The following ZNF396 variants were observed in gnomAD, a reference collection of about 807,000 sequenced individuals.
ZNF396 encodes zinc finger and SCAN domain-containing protein 14.
In ZNF396, 14 loss-of-function variants were observed where a neutral mutation model predicts 20.5. The observed-to-expected ratio is 0.68, with a 90% confidence interval of 0.45 to 1.07. The LOEUF is 1.07. Among genes scored for constraint, ZNF396 ranks in the 50% least tolerant of loss-of-function variants. The pLI is 0.00. For missense variants in ZNF396, 347 were observed against 390.1 expected, an observed-to-expected ratio of 0.89 and a Z score of 0.93; for synonymous variants, 119 against 140.6, an observed-to-expected ratio of 0.85 and a Z score of 1.08.
At position 35,369,012 on chromosome 18, in the gene ZNF396, C is replaced by T; in HGVS notation, c.*203G>A. On this transcript the variant is annotated 3_prime_UTR_variant, in exon 4 of 4. Coordinates refer to ENST00000589332, the MANE Select transcript of ZNF396 (RefSeq NM_001322286.2). ...AATTAAGCTTTGGAATTGCAAACGTCAGAATTGAGACTGCATTGATAAGCA... is the reference window on the plus strand; with the variant it reads ...AATTAAGCTTTGGAATTGCAAACGTTAGAATTGAGACTGCATTGATAAGCA... 5.2e-6 allele frequency: 7 copies of T among 1,337,418 alleles called. No individual in the cohort carries two copies. The highest frequency in any genetic ancestry group is 6.7e-6 in the Non-Finnish European group (7 of 1,049,980). 82.8% of individuals were successfully genotyped at this position (1,337,418 alleles called of 1,614,324 possible). A position where few individuals can be genotyped will look rare whatever the true frequency, so the allele number is the denominator to read the frequency against.
chr18:35,366,705 A>G lies in ZNF396; in HGVS notation c.*2510T>C, dbSNP rs2045103313. 1 of 152,204 alleles carries G rather than the reference A, an allele frequency of 6.6e-6. No individual in the cohort carries two copies. Among genetic ancestry groups the G allele is most frequent in the South Asian group, 2.1e-4 (1 of 4,828 alleles). The allele number at this position is 152,204 out of a possible 1,614,324, so 9.4% of individuals were successfully genotyped here. A position where few individuals can be genotyped will look rare whatever the true frequency, so the allele number is the denominator to read the frequency against. On this transcript the variant is annotated 3_prime_UTR_variant, in exon 4 of 4. Transcript: ENST00000589332. ...GAAAACAATACCAATTTCATTTTGG[A>G]GTATTTACTATCCCTGAAAATTAAT...
Position 35,373,510 on chromosome 18 carries a change from C to G in ZNF396, c.508G>C (p.Val170Leu), listed in dbSNP as rs756260955. 1 of 1,613,976 alleles carries G rather than the reference C, an allele frequency of 6.2e-7. No homozygotes were observed. Among genetic ancestry groups the G allele is most frequent in the African/African-American group, 1.3e-5 (1 of 74,898 alleles). Residue 170 changes from valine (V) to leucine (L), a missense_variant, in exon 3 of 4, where the codon GTG becomes CTG. By Grantham distance (32) the Val-to-Leu change is conservative (BLOSUM62 1). Transcript: ENST00000589332. ...EELPSSQLMPVKKQLQGASWE... is the reference protein window; with the variant it reads ...EELPSSQLMPLKKQLQGASWE... ...GATGCTCCCTGGAGCTGCTTCTTCACGGGCATGAGCTGGCTACTTGGCAAT... is the reference window on the plus strand; with the variant it reads ...GATGCTCCCTGGAGCTGCTTCTTCAGGGGCATGAGCTGGCTACTTGGCAAT...
chr18:35,368,898 T>C lies in ZNF396; in HGVS notation c.*317A>G. ...AAAAACATACTTGTCTAAAAAGATA[T>C]ATACTAATTCATTATATGTGTTAAT... On this transcript the variant is annotated 3_prime_UTR_variant, in exon 4 of 4. Coordinates refer to ENST00000589332, the MANE Select transcript of ZNF396 (RefSeq NM_001322286.2). 1 of 1,081,494 alleles carries C rather than the reference T, an allele frequency of 9.2e-7. No homozygotes were observed. The highest frequency in any genetic ancestry group is 1.1e-6 in the Non-Finnish European group (1 of 893,144). The allele number at this position is 1,081,494 out of a possible 1,614,324, so 67.0% of individuals were successfully genotyped here.
rs1041024578 is a variant in ZNF396 at position 35,369,079 on chromosome 18, C to T, written c.*136G>A. On this transcript the variant is annotated 3_prime_UTR_variant, in exon 4 of 4. Coordinates refer to ENST00000589332, the MANE Select transcript of ZNF396 (RefSeq NM_001322286.2). The stretch of plus-strand genomic sequence containing the variant: ...TGACCTGAGATCTTCAACCTTCTCT[C>T]CTGTGGCTTTCATGAGTCTTGAAAG... The T allele has an allele frequency of 7.0e-7, 1 of 1,421,030 alleles. No individual in the cohort carries two copies. Among genetic ancestry groups the T allele is most frequent in the Non-Finnish European group, 9.2e-7 (1 of 1,091,286 alleles). 88.0% of individuals were successfully genotyped at this position (1,421,030 alleles called of 1,614,324 possible).
chr18:35,370,471 T>C (rs1426711224), intron 3 of ZNF396, among the ~76,000 whole-genome samples: 2 of 148,784 alleles, frequency 1.3e-5, no homozygotes, highest in Non-Finnish European at 3.0e-5. Context: ...TTGCATTACC[T>C]GAAGAAATCA....
At chr18:35,373,711 GA>G (rs2045217153) in intron 2 of ZNF396, 111 bp from the exon 3 acceptor site, 5 of 1,508,902 alleles carry the variant, frequency 3.3e-6, no homozygotes, top group Admixed American at 4.2e-5. Context: ...AAAAGGGAGG[GA>G]AAAAGTAGAG....
intron 1 of ZNF396, among the ~76,000 whole-genome samples, chr18:35,375,825 C>T (rs992914793): frequency 1.3e-5 from 2 of 152,112 alleles, no homozygotes; most frequent in African/African-American, 4.8e-5. Context: ...TCACTGCAAC[C>T]TCTGCCTTCT....
At chr18:35,375,944 T>C (rs979870697) in intron 1 of ZNF396, among the ~76,000 whole-genome samples, 2 of 152,098 alleles carry the variant, frequency 1.3e-5, no homozygotes, top group Admixed American at 1.3e-4. Context: ...GGTTTCACCA[T>C]GTTGGCCAGG....
rs2045230624 is a variant in ZNF396 at position 35,374,404 on chromosome 18, A to C, written c.-72-40T>G. On this transcript the variant is annotated intron_variant, in intron 1 of 3. Transcript: ENST00000589332. This position sits in a 1 kb window ranked among gnomAD's most constrained non-coding sequence, Gnocchi z 4.3. ...AAGAAACAAGTGGAAAGAAGACAAA[A>C]GACAAATGCTTCTTAGAACAAAACA... The C allele has an allele frequency of 9.4e-7, 1 of 1,064,312 alleles. No individual in the cohort carries two copies. The highest frequency in any genetic ancestry group is 1.3e-6 in the Non-Finnish European group (1 of 745,862). The allele number at this position is 1,064,312 out of a possible 1,614,324, so 65.9% of individuals were successfully genotyped here.
chr18:35,371,042 T>A (rs2909344), intron 3 of ZNF396, among the ~76,000 whole-genome samples: 131,300 of 152,188 alleles, frequency 0.86, 57,509 homozygotes, highest in Non-Finnish European at 0.91. Context: ...AATGAAAAGG[T>A]TAGGGTGAGA....
rs1598699509 is a variant in ZNF396 at position 35,369,078 on chromosome 18, T to C, written c.*137A>G. On this transcript the variant is annotated 3_prime_UTR_variant, in exon 4 of 4. Transcript: ENST00000589332. ...CTGACCTGAGATCTTCAACCTTCTC[T>C]CCTGTGGCTTTCATGAGTCTTGAAA... 1.4e-6 allele frequency: 2 copies of C among 1,420,496 alleles called. No homozygotes were observed. Among genetic ancestry groups the C allele is most frequent in the East Asian group, 5.1e-5 (2 of 38,994 alleles). The allele number at this position is 1,420,496 out of a possible 1,614,324, so 88.0% of individuals were successfully genotyped here. A position where few individuals can be genotyped will look rare whatever the true frequency, so the allele number is the denominator to read the frequency against.
Position 35,374,117 on chromosome 18 carries a change from C to T in ZNF396, c.176G>A (p.Gly59Asp). The change falls in exon 2 of 4, where the codon GGC becomes GAC. Residue 59 changes from glycine (G) to aspartate (D), a missense_variant. Transcript: ENST00000589332. This position sits in a 1 kb window ranked among gnomAD's most constrained non-coding sequence, Gnocchi z 4.3. ...ETFRQQFRQF[G>D]YQDSPGPHEA... ...ATGGGGCCCAGGTGAATCCTGGTAG[C>T]CAAACTGCCTGAATTGCTGGCGGAA... 1 of 1,614,224 alleles carries T rather than the reference C, an allele frequency of 6.2e-7. No individual in the cohort carries two copies. The highest frequency in any genetic ancestry group is 2.2e-5 in the East Asian group (1 of 44,882).
rs1250512419 is a variant in ZNF396 at position 35,367,086 on chromosome 18, C to T, written c.*2129G>A. 6.6e-6 allele frequency: 1 copy of T among 152,204 alleles called. No individual in the cohort carries two copies. The highest frequency in any genetic ancestry group is 1.5e-5 in the Non-Finnish European group (1 of 68,034). The allele number at this position is 152,204 out of a possible 1,614,324, so 9.4% of individuals were successfully genotyped here. A position where few individuals can be genotyped will look rare whatever the true frequency, so the allele number is the denominator to read the frequency against. Reference sequence around the variant, plus strand: ...ATTAAGCAGTAATTCACAATATATACATCTCTGAGGCACTTGTTGTTTCAA... The same window carrying T: ...ATTAAGCAGTAATTCACAATATATATATCTCTGAGGCACTTGTTGTTTCAA... On this transcript the variant is annotated 3_prime_UTR_variant, in exon 4 of 4. Transcript: ENST00000589332.
intron 3 of ZNF396, chr18:35,373,107 T>C (rs1385060941): frequency 6.7e-6 from 2 of 297,020 alleles, no homozygotes; most frequent in Non-Finnish European, 1.2e-5. Flanking sequence ...TGAGCAGTTA[T>C]ATAGGAAATG....
Position 35,374,728 on chromosome 18 carries a change from C to G in ZNF396, c.-72-364G>C. 6.3e-6 allele frequency: 1 copy of G among 159,668 alleles called. No homozygotes were observed. The highest frequency in any genetic ancestry group is 3.3e-3 in the Middle Eastern group (1 of 306). 9.9% of individuals were successfully genotyped at this position (159,668 alleles called of 1,614,324 possible). A position where few individuals can be genotyped will look rare whatever the true frequency, so the allele number is the denominator to read the frequency against. Reference sequence around the variant, plus strand: ...GCCAGGCTAGTCTCGAACTCCTGACCTCAGGTGATCCACCCGCCTTGGCCT... The same window carrying G: ...GCCAGGCTAGTCTCGAACTCCTGACGTCAGGTGATCCACCCGCCTTGGCCT... On this transcript the variant is annotated intron_variant, in intron 1 of 3. Transcript: ENST00000589332. The surrounding 1 kb of genome is among the most constrained non-coding windows in gnomAD (Gnocchi z 4.3).
chr18:35,372,744 T>C (rs1376531399), intron 3 of ZNF396: 3 of 152,194 alleles, frequency 2.0e-5, no homozygotes, highest in Non-Finnish European at 2.9e-5. Context: ...AAATTTTACA[T>C]TGAGTTCCAA....
chr18:35,371,817 A>G (rs1471038097), intron 3 of ZNF396: 2 of 152,216 alleles, frequency 1.3e-5, no homozygotes, highest in African/African-American at 4.8e-5. Flanking sequence ...AGCATATGGC[A>G]TACTCATTTA....
rs2045237103 is a variant in ZNF396 at position 35,374,977 on chromosome 18, GC to G, written c.-72-614del. ...CTCCCAGATAATGGAAATAAGGGAA[GC>G]CTGAGAAATGCTCTAACTCTGGAGC... On this transcript the variant is annotated intron_variant, in intron 1 of 3. Transcript: ENST00000589332. This position sits in a 1 kb window ranked among gnomAD's most constrained non-coding sequence, Gnocchi z 4.3. Among the ~76,000 whole-genome samples, 2 of 152,158 alleles carry G rather than the reference GC, an allele frequency of 1.3e-5. No homozygotes were observed. The highest frequency in any genetic ancestry group is 4.1e-4 in the South Asian group (2 of 4,826).
At chr18:35,375,628 C>T (rs548032100) in intron 1 of ZNF396, among the ~76,000 whole-genome samples, 1 of 151,940 alleles carries the variant, frequency 6.6e-6, no homozygotes, top group East Asian at 1.9e-4. Flanking sequence ...GTGAGGGCAA[C>T]GATTTCTTCA....
Sources: gnomAD v4.1 joint callset for allele counts (sites outside exome capture counted in the v4.1 genomes callset) on GRCh38, gnomAD v4.1.1 for gene constraint, Gnocchi (gnomAD v3.1) non-coding constraint, MANE v1.5 for transcripts, NCBI Gene and HGNC (gene_info 2026-07-23, HGNC 2026-07-21) for gene names.